Variants in ERAP2 observed in about 807,000 individuals in gnomAD.
ERAP2 encodes the protein leukocyte-derived arginine aminopeptidase.
Under a neutral mutation model 111.1 loss-of-function variants are expected in ERAP2, and 118 were observed. That is an observed-to-expected ratio of 1.06 (90% CI 0.92 to 1.24). The LOEUF is 1.24. Among genes scored for constraint, ERAP2 ranks in the 50% most tolerant of loss-of-function variants. The pLI, the probability that ERAP2 is intolerant of heterozygous loss-of-function variation, is 0.00. For missense variants in ERAP2, 1,131 were observed against 1,125.8 expected (o/e 1.00, Z -0.07); for synonymous variants, 410 against 401.2 (o/e 1.02, Z -0.26).
intron 3 of ERAP2, among the ~76,000 whole-genome samples, chr5:96,885,845 T>C (rs1419138470): frequency 3.3e-5 from 5 of 152,216 alleles, no homozygotes; most frequent in African/African-American, 9.7e-5. Flanking sequence ...CAAATGAAGA[T>C]AGAATTCAGT....
intron 6 of ERAP2, 50 bp from the exon 7 acceptor site, chr5:96,895,196 A>G (rs1784754540): frequency 9.5e-6 from 11 of 1,152,488 alleles, no homozygotes; most frequent in Non-Finnish European, 1.4e-5. Flanking sequence ...GCTAAAGTTA[A>G]TAATTTTTAT....
In ERAP2 at chr5:96,902,288, T is replaced by C; in HGVS notation, c.1763T>C (p.Ile588Thr). The change falls in exon 12 of 19, where the codon ATC becomes ACC. Residue 588 changes from isoleucine to threonine, a missense_variant. Coordinates refer to ENST00000437043, the MANE Select transcript of ERAP2 (RefSeq NM_022350.5). ...RALQERYLWH[I>T]PLTYSTSSSN... ...CTCTGTCATAGGTACCTGTGGCATA[T>C]CCCATTGACCTACTCCACGAGTTCT... 6.2e-7 allele frequency: 1 copy of C among 1,608,284 alleles called. No homozygotes were observed. Among genetic ancestry groups the C allele is most frequent in the Non-Finnish European group, 8.5e-7 (1 of 1,174,850 alleles).
intron 6 of ERAP2, among the ~76,000 whole-genome samples, chr5:96,894,293 C>T (rs1005530832): frequency 2.0e-4 from 30 of 152,174 alleles, no homozygotes; most frequent in African/African-American, 5.8e-4. Flanking sequence ...GAGGAAACAC[C>T]TCTCCCTTTC....
intron 3 of ERAP2, among the ~76,000 whole-genome samples, chr5:96,885,782 T>C (rs1783658229): frequency 6.6e-6 from 1 of 152,180 alleles, no homozygotes; most frequent in Non-Finnish European, 1.5e-5. Flanking sequence ...CCATTCAGTA[T>C]TTGGGGGCAT....
chr5:96,891,938 T>G (rs1784432955), intron 5 of ERAP2, among the ~76,000 whole-genome samples: 2 of 152,162 alleles, frequency 1.3e-5, no homozygotes, highest in Admixed American at 1.3e-4. Flanking sequence ...TTGATACCCT[T>G]TTTAAAGTTT....
chr5:96,911,530 G>A (rs879745762), intron 15 of ERAP2, among the ~76,000 whole-genome samples: 10 of 152,034 alleles, frequency 6.6e-5, no homozygotes, highest in Admixed American at 5.2e-4. Flanking sequence ...CTAATGAATT[G>A]TACCAAATTA....
intron 13 of ERAP2, among the ~76,000 whole-genome samples, chr5:96,907,286 T>C (rs1786199216): frequency 6.6e-6 from 1 of 152,140 alleles, no homozygotes. Context: ...ACTCAGTAAC[T>C]ATATAAAAAG....
chr5:96,912,858 A>C, intron 16 of ERAP2, 60 bp downstream of exon 16: 1 of 1,417,420 alleles, frequency 7.1e-7, no homozygotes, highest in Non-Finnish European at 9.6e-7. Flanking sequence ...CAGTGAAGTC[A>C]CTAAAACTTC....
intron 6 of ERAP2, 124 bp downstream of exon 6, chr5:96,892,577 T>C (rs1784492060): frequency 1.8e-6 from 2 of 1,102,798 alleles, no homozygotes; most frequent in East Asian, 2.5e-5. Context: ...TAGAGACTAC[T>C]AAACCTAACA....
chr5:96,894,929 C>T (rs1784717473), intron 6 of ERAP2, among the ~76,000 whole-genome samples: 1 of 152,010 alleles, frequency 6.6e-6, no homozygotes, highest in Non-Finnish European at 1.5e-5. Flanking sequence ...AAACTACCTC[C>T]ATAAAGTGTT....
rs528773115 is a variant in ERAP2, at chr5:96,894,717, AG to A, written c.1126-527del. On this transcript the variant is annotated intron_variant, in intron 6 of 18. Transcript: ENST00000437043. ...GCCCACTGAAGTAAGTCAGGGGCAG[AG>A]GTTAACAACTGAATTTGCTCTTCAG... Among the ~76,000 whole-genome samples, 85 of 152,214 alleles carry A rather than the reference AG, an allele frequency of 5.6e-4. No homozygotes were observed. The South Asian group carries it at 0.017, about 30-fold the overall frequency.
intron 9 of ERAP2, among the ~76,000 whole-genome samples, chr5:96,897,753 T>C (rs1785008534): frequency 1.3e-5 from 2 of 152,206 alleles, no homozygotes; most frequent in Admixed American, 1.3e-4. Context: ...TAATTTTTTA[T>C]AGAACCATTA....
At chr5:96,886,295 T>C (rs1783701630) in intron 3 of ERAP2, among the ~76,000 whole-genome samples, 1 of 152,270 alleles carries the variant, frequency 6.6e-6, no homozygotes. Context: ...GGGGCCATTA[T>C]CTGGTATTTT....
At position 96,889,207 on chromosome 5, in the gene ERAP2, A is replaced by G. The variant is rs1784074221; in HGVS notation, c.872A>G (p.Asp291Gly). ...GVKVSIYASP[D>G]KRNQTHYALQ... is the part of the protein sequence containing the mutation. ...CAGGTGTCCATCTATGCATCCCCAG[A>G]CAAACGGAATCAAACACATTATGCT... The change falls in exon 5 of 19, where the codon GAC (aspartate) becomes GGC (glycine). Residue 291 changes from aspartate to glycine, a missense_variant. By Grantham distance (94) the Asp-to-Gly change is moderately conservative. Coordinates refer to ENST00000437043, the MANE Select transcript of ERAP2 (RefSeq NM_022350.5). 1.1e-5 allele frequency: 17 copies of G among 1,614,196 alleles called. No homozygotes were observed. The highest frequency in any genetic ancestry group is 1.4e-5 in the Non-Finnish European group (17 of 1,180,022).
chr5:96,915,767 G>A lies in ERAP2; in HGVS notation c.2737G>A (p.Glu913Lys), dbSNP rs777477600. 23 of 1,597,794 alleles carry A rather than the reference G, an allele frequency of 1.4e-5. No homozygotes were observed. Among genetic ancestry groups the A allele is most frequent in the Non-Finnish European group, 1.9e-5 (22 of 1,171,840 alleles). The part of the protein sequence containing the change: ...AHFSSKDKLQ[E>K]VKLFFESLEA... ...CTTTTCTTCCAAGGATAAGTTGCAA[G>A]AGGTTTGTGACTTTCTGTTTTTAAC... The change falls in exon 18 of 19, where the codon GAG becomes AAG. Residue 913 changes from glutamate to lysine, a missense_variant and splice_region_variant. Glu to Lys is a moderately conservative substitution (Grantham distance 56). Around this residue, in one of 3 missense-constraint regions of ERAP2, gnomAD observed 279 missense variants for 250.9 expected, o/e 1.11. Transcript: ENST00000437043.
intron 15 of ERAP2, 99 bp from the exon 16 acceptor site, chr5:96,912,538 C>A: frequency 1.4e-6 from 1 of 730,338 alleles, no homozygotes; most frequent in Non-Finnish European, 2.2e-6. Flanking sequence ...GTACTGAAAG[C>A]AGTTCAGAGA....
At chr5:96,903,182 T>G (rs1324740663) in intron 12 of ERAP2, among the ~76,000 whole-genome samples, 195 bp from the exon 13 acceptor site, 3 of 152,210 alleles carry the variant, frequency 2.0e-5, no homozygotes. Context: ...TGAATTAACT[T>G]ATTTATTAAT....
Position 96,896,826 on chromosome 5 carries a change from AT to A in ERAP2, c.1467del (p.Asn489LysfsTer16). The A allele has an allele frequency of 7.8e-7, 1 of 1,277,136 alleles. No homozygotes were observed. Among genetic ancestry groups the A allele is most frequent in the Non-Finnish European group, 1.0e-6 (1 of 993,000 alleles). 79.1% of individuals were successfully genotyped at this position (1,277,136 alleles called of 1,614,324 possible). On this transcript the variant is annotated frameshift_variant, in exon 9 of 19. Transcript: ENST00000437043. LOFTEE classifies it high-confidence loss of function. ...IQYLKKFSYR[N>X]AKNDDLWSSL... is the part of the protein sequence containing the mutation. ...TACTTAAAGAAGTTCAGCTATAGAAATGCTAAGAATGATGACTTGTGGAGCA... is the reference window on the plus strand; with the variant it reads ...TACTTAAAGAAGTTCAGCTATAGAAAGCTAAGAATGATGACTTGTGGAGCA...
At chr5:96,915,642 G>A (rs1290998457) in intron 17 of ERAP2, 46 bp from the exon 18 acceptor site, 1 of 1,142,672 alleles carries the variant, frequency 8.8e-7, no homozygotes, top group Non-Finnish European at 1.2e-6. Context: ...ATAAACATAA[G>A]GTCAGTATTT....
Sources: allele counts gnomAD v4.1 joint callset (sites outside exome capture counted in the v4.1 genomes callset), GRCh38; gene constraint gnomAD v4.1.1; regional missense constraint gnomAD v4.1.1; transcripts MANE v1.5; gene names NCBI Gene and HGNC (gene_info 2026-07-23, HGNC 2026-07-21).